Variants in FAM199X observed in about 807,000 individuals in gnomAD.
FAM199X encodes family with sequence similarity 199, X-linked.
A neutral mutation model predicts 22.9 loss-of-function variants in FAM199X; 4 were observed. The observed-to-expected ratio is 0.17, with a 90% CI of 0.09 to 0.40. FAM199X has a LOEUF of 0.40. Among genes scored for constraint, FAM199X ranks in the 10% least tolerant of loss-of-function variants. The pLI, the probability that FAM199X is intolerant of heterozygous loss-of-function variation, is 1.00. For synonymous variants in FAM199X, 101 were observed against 112.3 expected (o/e 0.90, Z 0.64); for missense variants, 183 against 306.8 (o/e 0.60, Z 3.01).
At chrX:104,157,551 T>C in the FAM199X span, among the ~76,000 whole-genome samples, 3 of 112,053 alleles carry the variant, frequency 2.7e-5, no homozygotes, top group African/African-American at 9.7e-5. Context: ...ATAATAGTAC[T>C]TACCTCCAGA....
At chrX:104,185,616 T>TC (rs1921782406) in intron 2 of FAM199X, among the ~76,000 whole-genome samples, 2 of 111,603 alleles carry the variant, frequency 1.8e-5, no homozygotes. Context: ...CTTTTTTCTT[T>TC]TTTTTTCTTT....
chrX:104,188,816 TAAAAAA>T (rs112371054), intron 5 of FAM199X, among the ~76,000 whole-genome samples: 3 of 103,064 alleles, frequency 2.9e-5, no homozygotes, highest in Non-Finnish European at 5.9e-5. Flanking sequence ...GTCGGGCACT[TAAAAAA>T]AAAAAGAAGG....
At chrX:104,164,145 T>A, upstream of FAM199X, among the ~76,000 whole-genome samples, 1 of 112,542 alleles carries the variant, frequency 8.9e-6, no homozygotes, top group East Asian at 2.8e-4. Flanking sequence ...ACAAAGTCAG[T>A]GTAATGTGGT....
At chrX:104,162,218 T>G (rs1556372798), upstream of FAM199X, among the ~76,000 whole-genome samples, 3 of 111,631 alleles carry the variant, frequency 2.7e-5, no homozygotes, top group African/African-American at 9.8e-5. Flanking sequence ...ACAGCTGAGT[T>G]CTAAAAGTCC....
In FAM199X at chrX:104,189,798, G is replaced by A. The variant is rs782612367; in HGVS notation, c.*20G>A. 18 of 1,200,422 alleles carry A rather than the reference G, an allele frequency of 1.5e-5. No homozygotes were observed. Among genetic ancestry groups the A allele is most frequent in the South Asian group, 1.8e-5 (1 of 55,398 alleles). On this transcript the variant is annotated 3_prime_UTR_variant, in exon 6 of 6. Coordinates refer to ENST00000493442, the MANE Select transcript of FAM199X (RefSeq NM_207318.4). ...ATGTAATAAGGGTGAATTTATCAACGTTCTTTGTGAGCATTAAAATACTCC... is the reference window on the plus strand; with the variant it reads ...ATGTAATAAGGGTGAATTTATCAACATTCTTTGTGAGCATTAAAATACTCC...
At position 104,195,815 on chromosome X, in the gene FAM199X, A is replaced by G. The variant is rs1227854224; in HGVS notation, c.*6037A>G. The G allele has an allele frequency of 2.7e-5, 3 of 110,370 alleles. No individual in the cohort carries two copies. The highest frequency in any genetic ancestry group is 9.9e-5 in the African/African-American group (3 of 30,340). 9.1% of individuals were successfully genotyped at this position (110,370 alleles called of 1,213,427 possible). ...TATTTTCATTTATTAGTCAAAGGTA[A>G]GTTAATTAAGCTTGTTTAATGATGC... On this transcript the variant is annotated 3_prime_UTR_variant, in exon 6 of 6. Coordinates refer to ENST00000493442, the MANE Select transcript of FAM199X (RefSeq NM_207318.4).
intron 1 of FAM199X, among the ~76,000 whole-genome samples, chrX:104,168,797 T>TG (rs1179848890): frequency 9.1e-6 from 1 of 110,193 alleles, no homozygotes; most frequent in African/African-American, 3.3e-5. Context: ...TGTTTTTCAA[T>TG]GGGGCAGTGA....
chrX:104,164,919 C>T (rs1355228585), upstream of FAM199X, among the ~76,000 whole-genome samples: 1 of 111,850 alleles, frequency 8.9e-6, no homozygotes, highest in Non-Finnish European at 1.9e-5. Context: ...TAGACTATTT[C>T]GTTAGCTTCT....
At chrX:104,189,587 T>C (rs782352700) in intron 5 of FAM199X, 21 bp from the exon 6 acceptor site, 3 of 1,209,830 alleles carry the variant, frequency 2.5e-6, no homozygotes, top group Non-Finnish European at 3.4e-6. Context: ...CAAACTGATT[T>C]AGAAATTTTT....
intron 2 of FAM199X, among the ~76,000 whole-genome samples, chrX:104,184,760 C>T (rs1556378675): frequency 1.8e-5 from 2 of 109,969 alleles, no homozygotes; most frequent in Non-Finnish European, 3.8e-5. Flanking sequence ...TTTATTTTAA[C>T]AGCATATTTA....
At chrX:104,183,819 T>C (rs1301709120) in intron 2 of FAM199X, among the ~76,000 whole-genome samples, 4 of 112,494 alleles carry the variant, frequency 3.6e-5, no homozygotes, top group African/African-American at 1.3e-4. Context: ...CTTATGTACT[T>C]GGACTTGTCA....
In FAM199X at chrX:104,190,847, T is replaced by C. The variant is rs782147712; in HGVS notation, c.*1069T>C. The C allele has an allele frequency of 1.8e-5, 2 of 112,255 alleles. No individual in the cohort carries two copies. Among genetic ancestry groups the C allele is most frequent in the African/African-American group, 6.5e-5 (2 of 30,927 alleles). 9.3% of individuals were successfully genotyped at this position (112,255 alleles called of 1,213,427 possible). A position where few individuals can be genotyped will look rare whatever the true frequency, so the allele number is the denominator to read the frequency against. ...TAGAAATATACAGAGCAATGAGATA[T>C]AGAAAACACCTTAGCTTGTTGGTTA... is the stretch of plus-strand genomic sequence containing the variant. On this transcript the variant is annotated 3_prime_UTR_variant, in exon 6 of 6. Coordinates refer to ENST00000493442, the MANE Select transcript of FAM199X (RefSeq NM_207318.4).
intron 2 of FAM199X, among the ~76,000 whole-genome samples, chrX:104,181,684 A>G (rs1301666763): frequency 8.9e-6 from 1 of 112,319 alleles, no homozygotes; most frequent in Non-Finnish European, 1.9e-5. Flanking sequence ...CAGACAGGCA[A>G]AACTGTTCAG....
At position 104,166,562 on chromosome X, in the gene FAM199X, G is replaced by A; in HGVS notation, c.-224G>A. 1 of 296,934 alleles carries A rather than the reference G, an allele frequency of 3.4e-6. No homozygotes were observed. Among genetic ancestry groups the A allele is most frequent in the Non-Finnish European group, 5.9e-6 (1 of 169,362 alleles). 24.5% of individuals were successfully genotyped at this position (296,934 alleles called of 1,213,427 possible). A position where few individuals can be genotyped will look rare whatever the true frequency, so the allele number is the denominator to read the frequency against. On this transcript the variant is annotated 5_prime_UTR_variant, in exon 1 of 6. Coordinates refer to ENST00000493442, the MANE Select transcript of FAM199X (RefSeq NM_207318.4). ...GGCGGAAGCTGCAGAGGCCACCGGG[G>A]CGCTAACTGGGTGGCCGGTGGGCCG... is the stretch of plus-strand genomic sequence containing the variant.
In FAM199X at chrX:104,191,142, T is replaced by C. The variant is rs781880742; in HGVS notation, c.*1364T>C. The C allele has an allele frequency of 3.6e-5, 4 of 111,825 alleles. No homozygotes were observed. The highest frequency in any genetic ancestry group is 3.8e-5 in the Non-Finnish European group (2 of 53,084). 9.2% of individuals were successfully genotyped at this position (111,825 alleles called of 1,213,427 possible). On this transcript the variant is annotated 3_prime_UTR_variant, in exon 6 of 6. Transcript: ENST00000493442. Reference sequence around the variant, plus strand: ...GCTGTAATCAATATTTTTCAAACTCTAAGAGTACAGAGGTTAGTAAGATTT... The same window carrying C: ...GCTGTAATCAATATTTTTCAAACTCCAAGAGTACAGAGGTTAGTAAGATTT...
chrX:104,189,434 C>A (rs1397791043), intron 5 of FAM199X, among the ~76,000 whole-genome samples, 174 bp from the exon 6 acceptor site: 1 of 111,812 alleles, frequency 8.9e-6, no homozygotes, highest in Non-Finnish European at 1.9e-5. Context: ...AAATTGGAAT[C>A]TTAATCATTT....
At chrX:104,173,539 T>TA (rs1192814954) in intron 1 of FAM199X, among the ~76,000 whole-genome samples, 2 of 110,889 alleles carry the variant, frequency 1.8e-5, no homozygotes, top group South Asian at 3.7e-4. Flanking sequence ...TGGAGGAAGT[T>TA]AAAAAAAATG....
At chrX:104,189,328 A>T (rs1373974821) in intron 5 of FAM199X, among the ~76,000 whole-genome samples, 3 of 107,989 alleles carry the variant, frequency 2.8e-5, no homozygotes, top group East Asian at 2.8e-4. Flanking sequence ...AATGGAATTT[A>T]AAAAAGAAGT....
At chrX:104,173,840 T>C (rs1173822347) in intron 1 of FAM199X, among the ~76,000 whole-genome samples, 2 of 112,158 alleles carry the variant, frequency 1.8e-5, no homozygotes, top group Non-Finnish European at 3.8e-5. Flanking sequence ...GTAGACAAAA[T>C]GTTAATATCC....
Sources: gnomAD v4.1 joint callset for allele counts (sites outside exome capture counted in the v4.1 genomes callset) on GRCh38, gnomAD v4.1.1 for gene constraint, MANE v1.5 for transcripts, NCBI Gene and HGNC (gene_info 2026-07-23, HGNC 2026-07-21) for gene names.